The following UBAC1 variants were observed in gnomAD, a reference collection of about 807,000 sequenced individuals.
UBAC1 encodes the protein UBA domain containing 1, also known as ubiquitin-associated domain-containing protein 1.
A neutral mutation model predicts 45.9 loss-of-function variants in UBAC1; 27 were observed. The observed-to-expected ratio is 0.59, with a 90% CI of 0.43 to 0.81. The LOEUF (loss-of-function observed/expected upper bound fraction) is 0.81, where lower values mean the gene tolerates loss of function less well. UBAC1 is among the 30% of genes least tolerant of loss of function. UBAC1 has a pLI of 0.00. For missense variants in UBAC1, 529 were observed against 539.2 expected (o/e 0.98, Z 0.19); for synonymous variants, 227 against 215.5 (o/e 1.05, Z -0.47).
chr9:135,952,424 C>T (rs1301520279), intron 3 of UBAC1, among the ~76,000 whole-genome samples: 1 of 152,246 alleles, frequency 6.6e-6, no homozygotes, highest in Non-Finnish European at 1.5e-5. Context: ...AGGCTCCATG[C>T]TCGGCACGGG....
At chr9:135,960,848 G>T (rs376784312) in intron 1 of UBAC1, among the ~76,000 whole-genome samples, 177 bp downstream of exon 1, 2 of 152,200 alleles carry the variant, frequency 1.3e-5, no homozygotes, top group Non-Finnish European at 2.9e-5. Context: ...GGATCCGAAA[G>T]GGGGAGAGTC....
At chr9:135,946,149 C>CTCA in intron 5 of UBAC1, 120 bp downstream of exon 5, 1 of 1,015,096 alleles carries the variant, frequency 9.9e-7, no homozygotes, top group Non-Finnish European at 1.5e-6. Context: ...GCCCCAGGCC[C>CTCA]TCATCAGCGC....
At chr9:135,944,488 G>C (rs1839302659) in intron 7 of UBAC1, among the ~76,000 whole-genome samples, 1 of 152,226 alleles carries the variant, frequency 6.6e-6, no homozygotes, top group Non-Finnish European at 1.5e-5. Context: ...CAAAGAACAG[G>C]AGAGAGAAGG....
intron 1 of UBAC1, among the ~76,000 whole-genome samples, chr9:135,957,695 G>A (rs117980673): frequency 2.3e-3 from 347 of 151,390 alleles, no homozygotes; most frequent in Non-Finnish European, 4.4e-3. Context: ...CCATCTTCAT[G>A]CGATCTAGGA....
chr9:135,948,264 C>T (rs1174673331), intron 3 of UBAC1, among the ~76,000 whole-genome samples: 2 of 152,234 alleles, frequency 1.3e-5, no homozygotes, highest in Admixed American at 1.3e-4. Context: ...AAACCACGAA[C>T]TCATCTCTGC....
intron 9 of UBAC1, among the ~76,000 whole-genome samples, chr9:135,935,495 A>C (rs1839192791): frequency 6.6e-6 from 1 of 152,144 alleles, no homozygotes; most frequent in Non-Finnish European, 1.5e-5. Flanking sequence ...CAACAAAAAA[A>C]ATAGCTGGGC....
At chr9:135,934,255 G>A (rs541022081) in intron 9 of UBAC1, among the ~76,000 whole-genome samples, 7 of 152,266 alleles carry the variant, frequency 4.6e-5, no homozygotes, top group African/African-American at 1.2e-4. Context: ...GCCCATGGCT[G>A]AGCACAGAGC....
rs139214439 is a variant in UBAC1 at position 135,945,897 on chromosome 9, C to T, written c.645G>A (p.Gln215=). The T allele has an allele frequency of 1.3e-5, 21 of 1,614,074 alleles. No homozygotes were observed. In the African/African-American group the frequency reaches 2.5e-4, roughly 19 times the overall value. ...GGTGGCCCCCCACGCACTGGTTCAG[C>T]TGAAGGGCCTTGGTGGCTCTGTTCT... is the stretch of plus-strand genomic sequence containing the variant. The part of the protein sequence containing the change: ...FPENRATKAL[Q]LNHMSVPQAM... Residue 215 remains glutamine, a synonymous_variant, in exon 6 of 10, where the codon CAG becomes CAA. Coordinates refer to ENST00000371756, the MANE Select transcript of UBAC1 (RefSeq NM_016172.3).
At chr9:135,944,179 G>A (rs778901485) in intron 7 of UBAC1, among the ~76,000 whole-genome samples, 1 of 152,228 alleles carries the variant, frequency 6.6e-6, no homozygotes, top group Non-Finnish European at 1.5e-5. Flanking sequence ...ACGGAACCCT[G>A]TGCAGGGAAG....
intron 9 of UBAC1, among the ~76,000 whole-genome samples, chr9:135,933,825 A>G (rs1271474698): frequency 6.6e-6 from 1 of 152,126 alleles, no homozygotes; most frequent in African/African-American, 2.4e-5. Context: ...CTCAAAAATC[A>G]TCTTCCCCAA....
At position 135,961,065 on chromosome 9, in the gene UBAC1, T is replaced by C; in HGVS notation, c.98A>G (p.Asp33Gly). ...GAEWLEEATEDTSVEKLKERC... is the reference protein window; with the variant it reads ...GAEWLEEATEGTSVEKLKERC... ...CTCCTTGAGCTTCTCCACCGAGGTG[T>C]CCTCGGTGGCCTCCTCCAGCCACTC... Residue 33 changes from aspartate (D) to glycine (G), a missense_variant, in exon 1 of 10, where the codon GAC becomes GGC. Transcript: ENST00000371756. 6.3e-7 allele frequency: 1 copy of C among 1,581,030 alleles called. No individual in the cohort carries two copies. The highest frequency in any genetic ancestry group is 2.4e-5 in the East Asian group (1 of 41,338).
At chr9:135,960,093 T>C (rs1839513523) in intron 1 of UBAC1, among the ~76,000 whole-genome samples, 1 of 152,228 alleles carries the variant, frequency 6.6e-6, no homozygotes, top group African/African-American at 2.4e-5. Flanking sequence ...GCACTCAACC[T>C]GTCAACACAG....
At chr9:135,945,623 C>CTGT (rs1486724918) in intron 6 of UBAC1, 3 of 551,286 alleles carry the variant, frequency 5.4e-6, no homozygotes, top group Non-Finnish European at 9.7e-6. Flanking sequence ...CCTGAGAAGA[C>CTGT]TGTTAGAGGC....
At chr9:135,951,439 A>G (rs1260335370) in intron 3 of UBAC1, among the ~76,000 whole-genome samples, 1 of 147,802 alleles carries the variant, frequency 6.8e-6, no homozygotes, top group Non-Finnish European at 1.5e-5. Context: ...GCAGTGAGTT[A>G]TAATTGTACC....
chr9:135,960,738 G>C (rs969473114), intron 1 of UBAC1, among the ~76,000 whole-genome samples: 1 of 152,220 alleles, frequency 6.6e-6, no homozygotes, highest in African/African-American at 2.4e-5. Context: ...AGAGGCTGGC[G>C]TGTACAGGGC....
intron 3 of UBAC1, among the ~76,000 whole-genome samples, chr9:135,949,304 A>T (rs1839378149): frequency 6.6e-6 from 1 of 152,216 alleles, no homozygotes; most frequent in Non-Finnish European, 1.5e-5. Flanking sequence ...CAGCCAACTC[A>T]TAAGAGTTAC....
intron 7 of UBAC1, among the ~76,000 whole-genome samples, chr9:135,941,764 C>G (rs1171033115): frequency 6.6e-6 from 1 of 152,222 alleles, no homozygotes; most frequent in African/African-American, 2.4e-5. Flanking sequence ...GACGTCGGGC[C>G]CTGCCAGCTC....
chr9:135,961,224 G>A lies in UBAC1; in HGVS notation c.-62C>T. 1.4e-6 allele frequency: 2 copies of A among 1,417,024 alleles called. No individual in the cohort carries two copies. The highest frequency in any genetic ancestry group is 1.8e-6 in the Non-Finnish European group (2 of 1,092,808). The allele number at this position is 1,417,024 out of a possible 1,614,324, so 87.8% of individuals were successfully genotyped here. On this transcript the variant is annotated 5_prime_UTR_variant, in exon 1 of 10. Transcript: ENST00000371756. ...GGCCCCTGAAGGTCACCGGGAAGGC[G>A]GGCGGGGAGGGGGCGGGGCCAGACC...
chr9:135,934,727 T>TTG (rs1839184076), intron 9 of UBAC1, among the ~76,000 whole-genome samples: 1 of 152,164 alleles, frequency 6.6e-6, no homozygotes, highest in Non-Finnish European at 1.5e-5. Flanking sequence ...GAAACAGCTG[T>TTG]TTCACACACA....
Sources: gnomAD v4.1 joint callset for allele counts (sites outside exome capture counted in the v4.1 genomes callset) on GRCh38, gnomAD v4.1.1 for gene constraint, MANE v1.5 for transcripts, NCBI Gene and HGNC (gene_info 2026-07-23, HGNC 2026-07-21) for gene names.